Variants in FAM98A observed in about 807,000 individuals in gnomAD.
The protein encoded by FAM98A is protein FAM98A.
Under a neutral mutation model 62.9 loss-of-function variants are expected in FAM98A, and 25 were observed. The observed-to-expected ratio is 0.40, with a 90% confidence interval of 0.29 to 0.56. FAM98A has a LOEUF of 0.56. Among genes scored for constraint, FAM98A ranks in the 20% least tolerant of loss-of-function variants. The pLI is 0.51. For synonymous variants in FAM98A, 252 were observed against 228.6 expected, an observed-to-expected ratio of 1.10 and a Z score of -0.92; for missense variants, 653 against 640.7, an observed-to-expected ratio of 1.02 and a Z score of -0.21.
Position 33,587,471 on chromosome 2 carries a change from A to C in FAM98A, c.523-151T>G, listed in dbSNP as rs372321319. On this transcript the variant is annotated intron_variant, in intron 4 of 7. Transcript: ENST00000238823. Reference sequence around the variant, plus strand: ...GAAATGCAAATGTAAAAGACCCACAAGATAAAGACACTCACTGGTCCCACT... The same window carrying C: ...GAAATGCAAATGTAAAAGACCCACACGATAAAGACACTCACTGGTCCCACT... 26 of 640,982 alleles carry C rather than the reference A, an allele frequency of 4.1e-5. No individual in the cohort carries two copies. In the East Asian group the frequency reaches 6.6e-4, roughly 16 times the overall value. 39.7% of individuals were successfully genotyped at this position (640,982 alleles called of 1,614,324 possible). A position where few individuals can be genotyped will look rare whatever the true frequency, so the allele number is the denominator to read the frequency against.
At chr2:33,597,273 C>T (rs752383452) in intron 1 of FAM98A, among the ~76,000 whole-genome samples, 3 of 152,162 alleles carry the variant, frequency 2.0e-5, no homozygotes, top group African/African-American at 7.2e-5. Context: ...GTGGGAGGAT[C>T]GCTTGAGGCT....
rs1466089842 is a variant in FAM98A at position 33,588,369 on chromosome 2, G to T, written c.488C>A (p.Thr163Asn). 1 of 1,613,106 alleles carries T rather than the reference G, an allele frequency of 6.2e-7. No homozygotes were observed. The highest frequency in any genetic ancestry group is 8.5e-7 in the Non-Finnish European group (1 of 1,179,492). The stretch of plus-strand genomic sequence containing the variant: ...AATCCCGCTGAAGAATTGGAACATA[G>T]TTATATTGGCTGGAGGTTTGGACAT... ...LGMSKPPANI[T>N]MFQFFSGIEK... Residue 163 changes from threonine to asparagine, a missense_variant, in exon 4 of 8, where the codon ACT becomes AAT. By Grantham distance (65) the Thr-to-Asn change is moderately conservative (BLOSUM62 0). Coordinates refer to ENST00000238823, the MANE Select transcript of FAM98A (RefSeq NM_015475.5).
Position 33,583,863 on chromosome 2 carries a change from A to G in FAM98A, c.*913T>C, listed in dbSNP as rs1304045738. 6.5e-6 allele frequency: 1 copy of G among 152,680 alleles called. No homozygotes were observed. Among genetic ancestry groups the G allele is most frequent in the Non-Finnish European group, 1.5e-5 (1 of 68,036 alleles). The allele number at this position is 152,680 out of a possible 1,614,324, so 9.5% of individuals were successfully genotyped here. ...CAATAATAAAGGGCCTCCTGCACTT[A>G]GCAAAAATCTGTCTTAACTTTGTAG... On this transcript the variant is annotated 3_prime_UTR_variant, in exon 8 of 8. Transcript: ENST00000238823.
At position 33,598,571 on chromosome 2, in the gene FAM98A, C is replaced by G. The variant is rs79148644; in HGVS notation, c.53+598G>C. On this transcript the variant is annotated intron_variant, in intron 1 of 7. Transcript: ENST00000238823. ...TGGGGCTCAACGAGGCAGAGTATCA[C>G]AGAGTCAAAGCAAACTGCTGGTGGT... 1.5e-3 allele frequency among the ~76,000 whole-genome samples: 224 copies of G among 152,294 alleles called. 2 individuals carry two copies. The East Asian group carries it at 0.03, about 20-fold the overall frequency.
chr2:33,597,449 T>C (rs1677837935), intron 1 of FAM98A, among the ~76,000 whole-genome samples: 1 of 152,198 alleles, frequency 6.6e-6, no homozygotes, highest in Non-Finnish European at 1.5e-5. Context: ...CCAAACTAAG[T>C]AGTTAAGGTT....
In FAM98A at chr2:33,595,508, T is replaced by C; in HGVS notation, c.183A>G (p.Glu61=). ...SELRVLCKLE[E]NVQATNSPSE... is the part of the protein sequence containing the mutation. Reference sequence around the variant, plus strand: ...ACTTACTGTTAGTTGCTTGCACGTTTTCCTCTAGTTTACAGAGCACTCTTA... The same window carrying C: ...ACTTACTGTTAGTTGCTTGCACGTTCTCCTCTAGTTTACAGAGCACTCTTA... Residue 61 remains glutamate, a synonymous_variant, in exon 2 of 8, where the codon GAA becomes GAG. Transcript: ENST00000238823. The C allele has an allele frequency of 1.2e-6, 2 of 1,605,658 alleles. No individual in the cohort carries two copies. The highest frequency in any genetic ancestry group is 1.7e-6 in the Non-Finnish European group (2 of 1,177,060).
chr2:33,598,172 C>T (rs1485235577), intron 1 of FAM98A, among the ~76,000 whole-genome samples: 11 of 152,276 alleles, frequency 7.2e-5, no homozygotes, highest in Non-Finnish European at 1.6e-4. Context: ...CTTTGGGAAT[C>T]CTCAAGGTGT....
At chr2:33,592,892 C>T (rs1436381112) in intron 2 of FAM98A, among the ~76,000 whole-genome samples, 1 of 152,308 alleles carries the variant, frequency 6.6e-6, no homozygotes, top group East Asian at 1.9e-4. Flanking sequence ...CTCACTGTCC[C>T]ATGAATAGCC....
intron 2 of FAM98A, among the ~76,000 whole-genome samples, chr2:33,594,680 C>T (rs1354772224): frequency 2.3e-5 from 1 of 42,840 alleles, no homozygotes; most frequent in South Asian, 6.4e-4. Context: ...TATATATATA[C>T]ACACATATAT....
In FAM98A at chr2:33,585,295, G is replaced by A. The variant is rs776774422; in HGVS notation, c.1038C>T (p.Ser346=). ...RGGGRGGYEH[S]SYGGRGGHEQ... ...CATGACCTCCTCGTCCTCCGTATGA[G>A]GAATGTTCATAGCCACCTCTCCCTC... The change falls in exon 8 of 8, where the codon TCC becomes TCT. Residue 346 remains serine, a synonymous_variant. Coordinates refer to ENST00000238823, the MANE Select transcript of FAM98A (RefSeq NM_015475.5). 1.1e-5 allele frequency: 18 copies of A among 1,613,844 alleles called. No homozygotes were observed. The South Asian group carries it at 2.0e-4, about 18-fold the overall frequency.
At chr2:33,595,961 GAATT>G (rs1407299255) in intron 1 of FAM98A, among the ~76,000 whole-genome samples, 1 of 152,100 alleles carries the variant, frequency 6.6e-6, no homozygotes, top group Non-Finnish European at 1.5e-5. Context: ...TACTGTAATT[GAATT>G]GAGTATTAAA....
rs1051763894 is a variant in FAM98A at position 33,584,538 on chromosome 2, C to A, written c.*238G>T. 8.7e-6 allele frequency: 4 copies of A among 458,136 alleles called. No homozygotes were observed. The highest frequency in any genetic ancestry group is 2.0e-5 in the African/African-American group (1 of 51,268). 28.4% of individuals were successfully genotyped at this position (458,136 alleles called of 1,614,324 possible). Reference sequence around the variant, plus strand: ...GGCAATTAAAGGCAATTTTAACCACCTTTTAAAAAATTTTTCATAGAAAGG... The same window carrying A: ...GGCAATTAAAGGCAATTTTAACCACATTTTAAAAAATTTTTCATAGAAAGG... On this transcript the variant is annotated 3_prime_UTR_variant, in exon 8 of 8. Coordinates refer to ENST00000238823, the MANE Select transcript of FAM98A (RefSeq NM_015475.5).
chr2:33,595,823 C>T (rs1256444551), intron 1 of FAM98A, among the ~76,000 whole-genome samples, 186 bp from the exon 2 acceptor site: 4 of 152,080 alleles, frequency 2.6e-5, no homozygotes, highest in Non-Finnish European at 1.5e-5. Context: ...CAAAAAGCAG[C>T]TAAATGGTAG....
intron 4 of FAM98A, chr2:33,587,577 GATGA>G: frequency 2.3e-6 from 1 of 440,798 alleles, no homozygotes; most frequent in Non-Finnish European, 4.2e-6. Flanking sequence ...TTGCTGAATG[GATGA>G]ATGAACACAC....
Position 33,597,324 on chromosome 2 carries a change from T to A in FAM98A, c.54-1687A>T, listed in dbSNP as rs577567769. Among the ~76,000 whole-genome samples, 3 of 152,290 alleles carry A rather than the reference T, an allele frequency of 2.0e-5. No individual in the cohort carries two copies. In the South Asian group the frequency reaches 6.2e-4, roughly 32 times the overall value. On this transcript the variant is annotated intron_variant, in intron 1 of 7. Coordinates refer to ENST00000238823, the MANE Select transcript of FAM98A (RefSeq NM_015475.5). ...GCCTGGTCACCAGAGCAAGACCTCA[T>A]CTCTTAATAAATAAATAAATAGAAA...
rs375122278 is a variant in FAM98A, at chr2:33,594,648, TATAC to T, written c.202+837_202+840del. 2.6e-3 allele frequency among the ~76,000 whole-genome samples: 234 copies of T among 88,594 alleles called. 54 individuals carry two copies. The highest frequency in any genetic ancestry group is 0.01 in the African/African-American group (135 of 13,154). The allele number at this position is 88,594 out of a possible 152,430, so 58.1% of individuals were successfully genotyped here. ...ACACACATATATATACACATATATA[TATAC>T]ACACATATATATACACATATATATA... On this transcript the variant is annotated intron_variant, in intron 2 of 7. Coordinates refer to ENST00000238823, the MANE Select transcript of FAM98A (RefSeq NM_015475.5).
intron 3 of FAM98A, chr2:33,589,451 G>C (rs1015465584): frequency 1.3e-5 from 2 of 152,018 alleles, no homozygotes; most frequent in Non-Finnish European, 2.9e-5. Context: ...ACCAGTTTTG[G>C]GAAAAGATAT....
Position 33,587,327 on chromosome 2 carries a change from CA to C in FAM98A, c.523-8del. ...TTGCTAATGTTTCCTTTAACTGACA[CA>C]AAAACATAAATAAATGAATAAAAAC... On this transcript the variant is annotated splice_region_variant and splice_polypyrimidine_tract_variant and intron_variant, in intron 4 of 7. Coordinates refer to ENST00000238823, the MANE Select transcript of FAM98A (RefSeq NM_015475.5). The C allele has an allele frequency of 6.3e-7, 1 of 1,597,350 alleles. No homozygotes were observed.
intron 3 of FAM98A, 105 bp downstream of exon 3, chr2:33,591,975 T>A (rs1255480152): frequency 9.6e-7 from 1 of 1,037,470 alleles, no homozygotes; most frequent in African/African-American, 1.6e-5. Context: ...GAATTTTGAA[T>A]TACATTCATA....
Sources: gnomAD v4.1 joint callset for allele counts (sites outside exome capture counted in the v4.1 genomes callset) on GRCh38, gnomAD v4.1.1 for gene constraint, MANE v1.5 for transcripts, NCBI Gene and HGNC (gene_info 2026-07-23, HGNC 2026-07-21) for gene names.